SGCZ: variants seen among roughly 807,000 people sequenced by gnomAD.
SGCZ encodes sarcoglycan zeta, also known as zeta-sarcoglycan.
SGCZ carries 40 observed loss-of-function variants against 41.3 expected under a neutral mutation model. That is an observed-to-expected ratio of 0.97 (90% CI 0.75 to 1.26). The LOEUF (loss-of-function observed/expected upper bound fraction) is 1.26. SGCZ is among the 50% of genes most tolerant of loss of function. The pLI is 0.00. For missense variants in SGCZ, 552 were observed against 369.8 expected, an observed-to-expected ratio of 1.49 and a Z score of -4.04; for synonymous variants, 206 against 137.5, an observed-to-expected ratio of 1.50 and a Z score of -3.49.
At chr8:14,173,605 A>C (rs1804455789) in intron 4 of SGCZ, among the ~76,000 whole-genome samples, 1 of 152,136 alleles carries the variant, frequency 6.6e-6, no homozygotes, top group South Asian at 2.1e-4. Context: ...GAAAAGCATA[A>C]ATACAACGTC....
chr8:15,044,729 G>A (rs375792362), intron 1 of SGCZ, among the ~76,000 whole-genome samples: 2 of 152,072 alleles, frequency 1.3e-5, no homozygotes. Context: ...AGTTAATGAT[G>A]ATTAGGAGTT....
At chr8:14,479,727 A>ATTTTT (rs1244101937) in intron 2 of SGCZ, among the ~76,000 whole-genome samples, 2 of 109,386 alleles carry the variant, frequency 1.8e-5, no homozygotes, top group Non-Finnish European at 3.6e-5. Flanking sequence ...CCAGAATTCT[A>ATTTTT]CTTCTTTTTT....
At chr8:14,800,184 T>C (rs146113950) in intron 1 of SGCZ, among the ~76,000 whole-genome samples, 1 of 152,292 alleles carries the variant, frequency 6.6e-6, no homozygotes, top group Non-Finnish European at 1.5e-5. Context: ...ACTATAAATG[T>C]TACCTGGTCA....
chr8:14,268,043 T>G (rs544073873), intron 3 of SGCZ, among the ~76,000 whole-genome samples: 1 of 151,220 alleles, frequency 6.6e-6, no homozygotes, highest in Non-Finnish European at 1.5e-5. Context: ...TAATTTACTT[T>G]TTCTTCAAAG....
chr8:14,411,140 T>A (rs1291559153), intron 2 of SGCZ, among the ~76,000 whole-genome samples: 2 of 152,108 alleles, frequency 1.3e-5, no homozygotes. Flanking sequence ...GTTTCTGCTA[T>A]TATTGAGATT....
At chr8:14,855,512 G>C (rs1803516963) in intron 1 of SGCZ, among the ~76,000 whole-genome samples, 2 of 152,156 alleles carry the variant, frequency 1.3e-5, no homozygotes, top group South Asian at 4.1e-4. Flanking sequence ...ATGGGGTTCA[G>C]CTTAAAATCT....
chr8:15,076,741 A>G (rs1805544892), intron 1 of SGCZ, among the ~76,000 whole-genome samples: 1 of 150,198 alleles, frequency 6.7e-6, no homozygotes, highest in South Asian at 2.1e-4. Flanking sequence ...AGGAACTTAA[A>G]TAAGTCTCTC....
chr8:14,175,381 G>A (rs143660601), intron 4 of SGCZ, among the ~76,000 whole-genome samples: 30 of 152,178 alleles, frequency 2.0e-4, no homozygotes, highest in African/African-American at 7.2e-4. Context: ...AATATGAGTA[G>A]ATGTAAGAAG....
intron 4 of SGCZ, among the ~76,000 whole-genome samples, chr8:14,204,122 C>G (rs1048524099): frequency 6.6e-6 from 1 of 151,856 alleles, no homozygotes; most frequent in Non-Finnish European, 1.5e-5. Flanking sequence ...GGTTTCGGAC[C>G]GTCTTCGGCA....
rs186878986 is a variant in SGCZ at position 14,947,237 on chromosome 8, G to C, written c.39+290348C>G. Among the ~76,000 whole-genome samples the C allele has an allele frequency of 4.2e-3, 634 of 152,300 alleles. 5 individuals are homozygous for C. The highest frequency in any genetic ancestry group is 0.018 in the South Asian group (86 of 4,826). On this transcript the variant is annotated intron_variant, in intron 1 of 7. Coordinates refer to ENST00000382080, the MANE Select transcript of SGCZ (RefSeq NM_139167.4). ...ACAGAGACAAAAGCGAAATATCCCG[G>C]AAGTATTTCAAATTTCTTAATGGAC...
In SGCZ at chr8:14,822,304, A is replaced by T. The variant is rs534362408; in HGVS notation, c.40-267378T>A. Reference sequence around the variant, plus strand: ...AAGGAGGTGAAAGATGTGTACATTGAAAACTGTAAAACTTTGATGTAAGAA... The same window carrying T: ...AAGGAGGTGAAAGATGTGTACATTGTAAACTGTAAAACTTTGATGTAAGAA... On this transcript the variant is annotated intron_variant, in intron 1 of 7. Coordinates refer to ENST00000382080, the MANE Select transcript of SGCZ (RefSeq NM_139167.4). Among the ~76,000 whole-genome samples the T allele has an allele frequency of 2.4e-3, 367 of 152,286 alleles. 1 individual carries two copies. The highest frequency in any genetic ancestry group is 8.4e-3 in the African/African-American group (351 of 41,566).
At chr8:14,290,966 A>T (rs545244981) in intron 3 of SGCZ, among the ~76,000 whole-genome samples, 151 of 152,280 alleles carry the variant, frequency 9.9e-4, no homozygotes, top group Non-Finnish European at 1.9e-3. Flanking sequence ...ATGAATGGAT[A>T]AAGAAAGTAT....
chr8:14,753,577 C>G (rs1169177411), intron 1 of SGCZ, among the ~76,000 whole-genome samples: 2 of 152,164 alleles, frequency 1.3e-5, no homozygotes, highest in Non-Finnish European at 2.9e-5. Context: ...AGTCTGATTC[C>G]TGGATATCAT....
chr8:14,998,265 A>G (rs1039668202), intron 1 of SGCZ, among the ~76,000 whole-genome samples: 2 of 152,234 alleles, frequency 1.3e-5, no homozygotes, highest in Non-Finnish European at 2.9e-5. Context: ...CGTTAAGAAT[A>G]TAACAGGCCT....
intron 1 of SGCZ, among the ~76,000 whole-genome samples, chr8:14,919,810 C>T (rs965622007): frequency 2.0e-5 from 3 of 151,918 alleles, no homozygotes; most frequent in Non-Finnish European, 4.4e-5. Flanking sequence ...CCCAGCTACT[C>T]GGGAAACTGG....
chr8:14,168,560 A>G (rs1804277745), intron 4 of SGCZ, among the ~76,000 whole-genome samples: 2 of 152,132 alleles, frequency 1.3e-5, no homozygotes, highest in South Asian at 4.1e-4. Context: ...CCCGGCTGCC[A>G]CGTAAGATGT....
chr8:14,260,404 C>A lies in SGCZ; in HGVS notation c.337-22725G>T, dbSNP rs1363406809. On this transcript the variant is annotated intron_variant, in intron 3 of 7. Coordinates refer to ENST00000382080, the MANE Select transcript of SGCZ (RefSeq NM_139167.4). ...AATCAAAACCACAATGAGATACCAT[C>A]TCACACCAGTTAGAATGGCGATCAT... Among the ~76,000 whole-genome samples, 4 of 144,884 alleles carry A rather than the reference C, an allele frequency of 2.8e-5. No homozygotes were observed. In the East Asian group the frequency reaches 8.0e-4, roughly 29 times the overall value.
chr8:15,075,235 A>G (rs2131034473), intron 1 of SGCZ, among the ~76,000 whole-genome samples: 1 of 152,284 alleles, frequency 6.6e-6, no homozygotes, highest in South Asian at 2.1e-4. Flanking sequence ...CAAAAAAAAA[A>G]AATGGATTAT....
At chr8:14,841,775 GA>G (rs1313325379) in intron 1 of SGCZ, among the ~76,000 whole-genome samples, 1 of 152,084 alleles carries the variant, frequency 6.6e-6, no homozygotes, top group Non-Finnish European at 1.5e-5. Context: ...AGGGACTTCA[GA>G]AATCATTTTA....
Sources: allele counts gnomAD v4.1 joint callset (sites outside exome capture counted in the v4.1 genomes callset), GRCh38; gene constraint gnomAD v4.1.1; transcripts MANE v1.5; gene names NCBI Gene and HGNC (gene_info 2026-07-23, HGNC 2026-07-21).